PTPRM: variants seen among roughly 807,000 people sequenced by gnomAD.
PTPRM encodes the protein receptor-type tyrosine-protein phosphatase mu.
PTPRM carries 47 observed loss-of-function variants against 186.7 expected under a neutral mutation model. The observed-to-expected ratio is 0.25, with a 90% CI of 0.20 to 0.32. The LOEUF (loss-of-function observed/expected upper bound fraction) is 0.32, where lower values mean the gene tolerates loss of function less well. Among genes scored for constraint, PTPRM ranks in the 10% least tolerant of loss-of-function variants. PTPRM has a pLI of 1.00. For synonymous variants in PTPRM, 668 were observed against 674.9 expected (o/e 0.99, Z 0.16); for missense variants, 1,494 against 1,865.0 (o/e 0.80, Z 3.66).
intron 1 of PTPRM, among the ~76,000 whole-genome samples, chr18:7,575,528 T>C (rs2036666614): frequency 6.6e-6 from 1 of 152,262 alleles, no homozygotes; most frequent in Non-Finnish European, 1.5e-5. Context: ...GAGACAACTT[T>C]AGATTCACCT....
At chr18:8,026,072 C>T (rs1437255577) in intron 7 of PTPRM, among the ~76,000 whole-genome samples, 2 of 152,232 alleles carry the variant, frequency 1.3e-5, no homozygotes, top group Non-Finnish European at 2.9e-5. Flanking sequence ...TTCCCACCTA[C>T]TCAAAACTCC....
intron 7 of PTPRM, among the ~76,000 whole-genome samples, chr18:8,034,147 T>G (rs1600178649): frequency 6.9e-6 from 1 of 145,490 alleles, no homozygotes; most frequent in African/African-American, 2.5e-5. Context: ...CTGTGTAAAG[T>G]TTTTTTTTTT....
At position 7,955,228 on chromosome 18, in the gene PTPRM, C is replaced by A; in HGVS notation, c.946C>A (p.Arg316=). The change falls in exon 7 of 33, where the codon CGA becomes AGA. Residue 316 remains arginine, a synonymous_variant. Coordinates refer to ENST00000580170, the MANE Select transcript of PTPRM (RefSeq NM_001105244.2). The part of the protein sequence containing the change: ...SINGDGPIVA[R]EVEYCTASGS... The stretch of plus-strand genomic sequence containing the variant: ...CAATGGGGATGGGCCCATTGTGGCC[C>A]GAGAGGTGGAGTACTGCACGGCCAG... 6.2e-7 allele frequency: 1 copy of A among 1,614,110 alleles called. No individual in the cohort carries two copies. The highest frequency in any genetic ancestry group is 1.1e-5 in the South Asian group (1 of 91,070).
chr18:8,188,472 C>A (rs1046738688), intron 14 of PTPRM, among the ~76,000 whole-genome samples: 3 of 152,180 alleles, frequency 2.0e-5, no homozygotes, highest in African/African-American at 7.2e-5. Flanking sequence ...TGGTGCGTTA[C>A]CATGATGTCC....
chr18:7,861,655 G>T lies in PTPRM; in HGVS notation c.197-26451G>T, dbSNP rs536110086. 4.6e-5 allele frequency among the ~76,000 whole-genome samples: 7 copies of T among 152,094 alleles called. No homozygotes were observed. In the South Asian group the frequency reaches 1.2e-3, roughly 27 times the overall value. On this transcript the variant is annotated intron_variant, in intron 2 of 32. Coordinates refer to ENST00000580170, the MANE Select transcript of PTPRM (RefSeq NM_001105244.2). ...CTGAGGATCTGGTTCGTTTTGGTGG[G>T]GTCAAGGCACAACTCGGCACACAGG...
intron 14 of PTPRM, among the ~76,000 whole-genome samples, chr18:8,172,093 G>A (rs941282013): frequency 2.0e-5 from 3 of 152,026 alleles, no homozygotes; most frequent in Non-Finnish European, 2.9e-5. Context: ...CTGTATTCTC[G>A]TTTTCAGCAA....
chr18:7,605,115 T>C (rs1030197351), intron 1 of PTPRM, among the ~76,000 whole-genome samples: 1 of 152,176 alleles, frequency 6.6e-6, no homozygotes, highest in Non-Finnish European at 1.5e-5. Flanking sequence ...CCCTGGGCCG[T>C]GTTGGAAGAA....
chr18:7,651,297 A>T (rs1354039812), intron 1 of PTPRM, among the ~76,000 whole-genome samples: 6 of 152,170 alleles, frequency 3.9e-5, no homozygotes, highest in Non-Finnish European at 7.3e-5. Context: ...CTGATGAAAG[A>T]AAACATTGCT....
intron 7 of PTPRM, among the ~76,000 whole-genome samples, chr18:7,956,266 T>C (rs1347584836): frequency 6.6e-6 from 1 of 152,194 alleles, no homozygotes; most frequent in African/African-American, 2.4e-5. Flanking sequence ...TAAGAATACA[T>C]TTATCAATGT....
chr18:8,265,945 T>C (rs2094695298), intron 19 of PTPRM, among the ~76,000 whole-genome samples: 1 of 152,172 alleles, frequency 6.6e-6, no homozygotes, highest in Non-Finnish European at 1.5e-5. Context: ...ACTAACTGGC[T>C]GTTGGAGATC....
chr18:7,886,546 G>T lies in PTPRM; in HGVS notation c.197-1560G>T, dbSNP rs1183000236. ...ATAGCTACTATAATTTCCCTTCACTGCTGTGAAAGGGTATTTTTTTCATAT... is the reference window on the plus strand; with the variant it reads ...ATAGCTACTATAATTTCCCTTCACTTCTGTGAAAGGGTATTTTTTTCATAT... On this transcript the variant is annotated intron_variant, in intron 2 of 32. Coordinates refer to ENST00000580170, the MANE Select transcript of PTPRM (RefSeq NM_001105244.2). 2.0e-5 allele frequency among the ~76,000 whole-genome samples: 3 copies of T among 152,110 alleles called. No homozygotes were observed. The East Asian group carries it at 5.8e-4, about 29-fold the overall frequency.
rs558630207 is a variant in PTPRM, at chr18:8,311,804, G to A, written c.2843-2977G>A. On this transcript the variant is annotated intron_variant, in intron 20 of 32. Transcript: ENST00000580170. ...ATGATGGTAAAACTCTACTTCAGAG[G>A]CTCTGTTGATAGGAAATAGGAATTC... 2.9e-3 allele frequency among the ~76,000 whole-genome samples: 439 copies of A among 152,222 alleles called. 1 individual carries two copies. The highest frequency in any genetic ancestry group is 6.8e-3 in the Middle Eastern group (2 of 294).
chr18:7,581,329 T>C (rs561330310), intron 1 of PTPRM, among the ~76,000 whole-genome samples: 1 of 152,268 alleles, frequency 6.6e-6, no homozygotes, highest in South Asian at 2.1e-4. Flanking sequence ...TCTTCCCTCA[T>C]GGTACAACTC....
intron 14 of PTPRM, among the ~76,000 whole-genome samples, chr18:8,166,224 G>A (rs1461189207): frequency 2.0e-5 from 3 of 152,112 alleles, no homozygotes; most frequent in South Asian, 4.1e-4. Context: ...TGGCTTGGCG[G>A]ACTCCAACCT....
In PTPRM at chr18:8,379,128, A is replaced by G. The variant is rs769359961; in HGVS notation, c.3613-39A>G. ...TGCACGTGAGAGGAGTCCGCTGCCAAGGCTTCTTGTCCTCATGTTCCTTTC... is the reference window on the plus strand; with the variant it reads ...TGCACGTGAGAGGAGTCCGCTGCCAGGGCTTCTTGTCCTCATGTTCCTTTC... On this transcript the variant is annotated intron_variant, in intron 27 of 32. Coordinates refer to ENST00000580170, the MANE Select transcript of PTPRM (RefSeq NM_001105244.2). The G allele has an allele frequency of 1.1e-5, 16 of 1,522,646 alleles. No homozygotes were observed. In the Admixed American group the frequency reaches 1.8e-4, roughly 17 times the overall value. The allele number at this position is 1,522,646 out of a possible 1,614,324, so 94.3% of individuals were successfully genotyped here.
At chr18:8,288,671 G>A (rs2094986128) in intron 19 of PTPRM, among the ~76,000 whole-genome samples, 1 of 152,174 alleles carries the variant, frequency 6.6e-6, no homozygotes, top group African/African-American at 2.4e-5. Context: ...CTCACTTGAA[G>A]GATATGTTTT....
At chr18:7,617,614 T>G (rs1282948392) in intron 1 of PTPRM, among the ~76,000 whole-genome samples, 2 of 152,144 alleles carry the variant, frequency 1.3e-5, no homozygotes, top group Admixed American at 1.3e-4. Flanking sequence ...ATTGAAAAAA[T>G]ATAATCCTTA....
At chr18:7,922,181 C>A (rs2050905240) in intron 4 of PTPRM, among the ~76,000 whole-genome samples, 1 of 152,072 alleles carries the variant, frequency 6.6e-6, no homozygotes, top group South Asian at 2.1e-4. Flanking sequence ...TGAGAGGTCC[C>A]AAAAGGGATA....
intron 1 of PTPRM, among the ~76,000 whole-genome samples, chr18:7,673,719 T>C (rs2039270685): frequency 6.6e-6 from 1 of 152,150 alleles, no homozygotes; most frequent in East Asian, 1.9e-4. Flanking sequence ...AAGCCTTGCT[T>C]ATAAAAAAAG....
Sources: allele counts gnomAD v4.1 joint callset (sites outside exome capture counted in the v4.1 genomes callset), GRCh38; gene constraint gnomAD v4.1.1; transcripts MANE v1.5; gene names NCBI Gene and HGNC (gene_info 2026-07-23, HGNC 2026-07-21).